ANK2: variants seen among roughly 807,000 people sequenced by gnomAD.
The protein encoded by ANK2 is ankyrin-2.
Under a neutral mutation model 360.5 loss-of-function variants are expected in ANK2, and 83 were observed. The ratio of observed to expected loss-of-function variants is 0.23; its 90% confidence interval spans 0.19 to 0.28. The LOEUF (loss-of-function observed/expected upper bound fraction) is 0.28. Among genes scored for constraint, ANK2 ranks in the 10% least tolerant of loss-of-function variants. ANK2 has a pLI of 1.00. For synonymous variants in ANK2, 1,740 were observed against 1,759.5 expected (o/e 0.99, Z 0.28); for missense variants, 4,201 against 4,795.7 (o/e 0.88, Z 3.66).
At chr4:113,077,530 T>C (rs1324172133) in intron 1 of ANK2, among the ~76,000 whole-genome samples, 3 of 152,216 alleles carry the variant, frequency 2.0e-5, no homozygotes, top group Non-Finnish European at 2.9e-5. Context: ...AATGAACCTT[T>C]TTAACATTGC....
chr4:113,313,873 T>C (rs2153826482), intron 24 of ANK2, among the ~76,000 whole-genome samples: 1 of 152,318 alleles, frequency 6.6e-6, no homozygotes, highest in Non-Finnish European at 1.5e-5. Context: ...AATATTTTTA[T>C]GTATTGAACT....
the ANK2 span, among the ~76,000 whole-genome samples, chr4:112,782,695 CCT>C: frequency 6.6e-6 from 1 of 151,586 alleles, no homozygotes; most frequent in African/African-American, 2.4e-5. Context: ...GGTGAAACCC[CCT>C]GTCTCTACCA....
intron 1 of ANK2, among the ~76,000 whole-genome samples, chr4:112,852,656 A>AT (rs2065286947): frequency 6.6e-6 from 1 of 152,196 alleles, no homozygotes; most frequent in South Asian, 2.1e-4. Context: ...CTAATTTAGA[A>AT]TTTTCTTAAA....
intron 14 of ANK2, among the ~76,000 whole-genome samples, chr4:113,272,452 A>G (rs954160636): frequency 6.6e-6 from 1 of 152,316 alleles, no homozygotes; most frequent in South Asian, 2.1e-4. Context: ...AGTAAATTCA[A>G]CTTTTGCAAT....
chr4:113,320,670 C>A (rs955124541), intron 26 of ANK2, among the ~76,000 whole-genome samples: 17 of 151,780 alleles, frequency 1.1e-4, no homozygotes, highest in Non-Finnish European at 2.1e-4. Context: ...AAAACAAAAA[C>A]AAAAACAAAA....
intron 3 of ANK2, among the ~76,000 whole-genome samples, chr4:113,198,038 G>A (rs544172902): frequency 6.6e-6 from 1 of 152,216 alleles, no homozygotes; most frequent in South Asian, 2.1e-4. Context: ...ATTCTGACTG[G>A]TATGAGATGG....
At chr4:113,104,681 C>T (rs1262089557) in intron 1 of ANK2, among the ~76,000 whole-genome samples, 1 of 152,108 alleles carries the variant, frequency 6.6e-6, no homozygotes, top group East Asian at 1.9e-4. Context: ...TGCCACTGCA[C>T]TCCAGCTTTG....
intron 45 of ANK2, among the ~76,000 whole-genome samples, chr4:113,380,132 G>A (rs184470018): frequency 9.9e-5 from 15 of 151,940 alleles, no homozygotes; most frequent in East Asian, 7.7e-4. Flanking sequence ...CAACACATTC[G>A]TCAAATACTT....
chr4:113,170,269 G>A (rs1005216148), intron 1 of ANK2, among the ~76,000 whole-genome samples: 3 of 152,146 alleles, frequency 2.0e-5, no homozygotes, highest in African/African-American at 4.8e-5. Context: ...GTCAGTGCAC[G>A]TTGGACTATA....
rs1203468086 is a variant in ANK2 at position 113,358,979 on chromosome 4, G to A, written c.10361G>A (p.Arg3454Lys). 4.3e-6 allele frequency: 7 copies of A among 1,613,830 alleles called. No individual in the cohort carries two copies. The highest frequency in any genetic ancestry group is 5.9e-6 in the Non-Finnish European group (7 of 1,179,908). Residue 3454 changes from arginine to lysine, a missense_variant, in exon 38 of 46, where the codon AGG (arginine) becomes AAG (lysine). Transcript: ENST00000357077. ...VKSRSTTSSC[R>K]GGTSPTKESK... ...AGCAGAAGCACTACATCTTCCTGCA[G>A]GGGGGGCACGAGCCCCACAAAAGAA...
chr4:112,968,963 T>C (rs1172322610), intron 2 of ANK2, among the ~76,000 whole-genome samples: 2 of 152,210 alleles, frequency 1.3e-5, no homozygotes, highest in African/African-American at 4.8e-5. Flanking sequence ...ACTCACTTCC[T>C]TACTAAAAAT....
At chr4:112,833,432 AATGATTAGTTTTG>A (rs2060244956) in intron 1 of ANK2, among the ~76,000 whole-genome samples, 2 of 152,196 alleles carry the variant, frequency 1.3e-5, no homozygotes, top group South Asian at 4.1e-4. Context: ...ATTTACACTT[AATGATTAGTTTTG>A]ATGATACGTG....
chr4:112,807,177 G>A, the ANK2 span, among the ~76,000 whole-genome samples: 67 of 152,146 alleles, frequency 4.4e-4, 1 homozygote, highest in African/African-American at 1.4e-3. Context: ...TAGTCTCTAG[G>A]CACACTGTGC....
At chr4:113,004,655 A>C (rs1049370987) in intron 2 of ANK2, among the ~76,000 whole-genome samples, 5 of 152,250 alleles carry the variant, frequency 3.3e-5, no homozygotes, top group African/African-American at 9.6e-5. Context: ...AAGAATAAAA[A>C]GTATGGTATA....
the ANK2 span, among the ~76,000 whole-genome samples, chr4:112,796,637 A>G: frequency 6.7e-6 from 1 of 149,088 alleles, no homozygotes; most frequent in African/African-American, 2.5e-5. Context: ...GACATGAGCC[A>G]CCATGTCTGG....
intron 41 of ANK2, among the ~76,000 whole-genome samples, chr4:113,366,013 A>G (rs1485515862): frequency 2.6e-5 from 4 of 152,078 alleles, no homozygotes; most frequent in East Asian, 1.9e-4. Flanking sequence ...TTGGCTTCCT[A>G]CCACTAGACC....
At position 113,274,000 on chromosome 4, in the gene ANK2, A is replaced by G. The variant is rs368475729; in HGVS notation, c.1486-452A>G. ...AGCATTTGTATCCTTGGCTTGCTGA[A>G]TGGAGTAAAATCAAAGATTTTCCAG... On this transcript the variant is annotated intron_variant, in intron 14 of 45. Coordinates refer to ENST00000357077, the MANE Select transcript of ANK2 (RefSeq NM_001148.6). 1.2e-4 allele frequency among the ~76,000 whole-genome samples: 19 copies of G among 152,294 alleles called. 2 individuals carry two copies. The highest frequency in any genetic ancestry group is 5.2e-4 in the Admixed American group (8 of 15,298).
At chr4:112,779,458 G>A in the ANK2 span, among the ~76,000 whole-genome samples, 3 of 152,252 alleles carry the variant, frequency 2.0e-5, no homozygotes, top group Admixed American at 6.5e-5. Context: ...GACGGAGCTC[G>A]TGGTGAGCCA....
At chr4:112,821,688 G>T (rs1042839216) in intron 1 of ANK2, among the ~76,000 whole-genome samples, 1 of 151,440 alleles carries the variant, frequency 6.6e-6, no homozygotes, top group African/African-American at 2.4e-5. Flanking sequence ...TAATAAGGGG[G>T]ATTATTGTTC....
Sources: gnomAD v4.1 joint callset for allele counts (sites outside exome capture counted in the v4.1 genomes callset) on GRCh38, gnomAD v4.1.1 for gene constraint, MANE v1.5 for transcripts, NCBI Gene and HGNC (gene_info 2026-07-23, HGNC 2026-07-21) for gene names.